The following ANKRD22 variants were observed in gnomAD, a reference collection of about 807,000 sequenced individuals.
ANKRD22 encodes ankyrin repeat domain 22.
Under a neutral mutation model 25.7 loss-of-function variants are expected in ANKRD22, and 24 were observed. The observed-to-expected ratio is 0.93, with a 90% CI of 0.68 to 1.31. The LOEUF (loss-of-function observed/expected upper bound fraction) is 1.31. ANKRD22 is among the 50% of genes most tolerant of loss of function. The pLI is 0.00. For missense variants in ANKRD22, 214 were observed against 227.1 expected (o/e 0.94, Z 0.37); for synonymous variants, 84 against 84.3 (o/e 1.00, Z 0.02).
At chr10:88,845,747 T>G (rs1844041651) in intron 1 of ANKRD22, among the ~76,000 whole-genome samples, 1 of 152,148 alleles carries the variant, frequency 6.6e-6, no homozygotes. Flanking sequence ...TGTAACAGCT[T>G]CCTTCCAAGA....
chr10:88,839,550 A>G (rs1843985291), intron 1 of ANKRD22, among the ~76,000 whole-genome samples: 1 of 152,142 alleles, frequency 6.6e-6, no homozygotes, highest in African/African-American at 2.4e-5. Flanking sequence ...AATCTCTTTC[A>G]TCTTTCCTAC....
intron 1 of ANKRD22, among the ~76,000 whole-genome samples, chr10:88,844,307 G>A (rs767151802): frequency 2.6e-5 from 4 of 152,092 alleles, no homozygotes; most frequent in Admixed American, 6.6e-5. Flanking sequence ...ATTGGGTCTC[G>A]TAGACCATGG....
At chr10:88,840,574 T>C (rs967016113) in intron 1 of ANKRD22, among the ~76,000 whole-genome samples, 2 of 152,150 alleles carry the variant, frequency 1.3e-5, no homozygotes, top group Non-Finnish European at 2.9e-5. Flanking sequence ...TGGTTCACTG[T>C]TTATTAGCCA....
intron 1 of ANKRD22, among the ~76,000 whole-genome samples, chr10:88,846,375 T>G (rs1166727530): frequency 6.6e-6 from 1 of 152,194 alleles, no homozygotes; most frequent in Non-Finnish European, 1.5e-5. Flanking sequence ...TTTACACTGA[T>G]TGATCTAAGG....
intron 4 of ANKRD22, among the ~76,000 whole-genome samples, chr10:88,825,192 A>G (rs1307971274): frequency 6.6e-6 from 1 of 152,246 alleles, no homozygotes; most frequent in South Asian, 2.1e-4. Context: ...TAGGCATCAC[A>G]AATAGAATGT....
At chr10:88,823,142 G>T (rs1192473010) in intron 5 of ANKRD22, 124 bp from the exon 6 acceptor site, 2 of 1,229,752 alleles carry the variant, frequency 1.6e-6, no homozygotes, top group Non-Finnish European at 2.4e-6. Flanking sequence ...ATAGTAATAG[G>T]ATAACTTCAT....
At chr10:88,838,888 G>A (rs1405524666) in intron 1 of ANKRD22, among the ~76,000 whole-genome samples, 3 of 152,180 alleles carry the variant, frequency 2.0e-5, no homozygotes, top group Non-Finnish European at 4.4e-5. Context: ...AAACAGACTA[G>A]TAGGCGAGGA....
chr10:88,846,662 G>A (rs1297155031), intron 1 of ANKRD22, among the ~76,000 whole-genome samples: 3 of 152,204 alleles, frequency 2.0e-5, no homozygotes, highest in Non-Finnish European at 4.4e-5. Flanking sequence ...TTTGAAAATA[G>A]TGAGAATTCA....
At chr10:88,848,943 G>A (rs755589749) in intron 1 of ANKRD22, among the ~76,000 whole-genome samples, 2 of 151,900 alleles carry the variant, frequency 1.3e-5, no homozygotes, top group Non-Finnish European at 2.9e-5. Flanking sequence ...AGTAACATCA[G>A]CTTCTCTGAA....
intron 1 of ANKRD22, among the ~76,000 whole-genome samples, chr10:88,846,350 C>T (rs75397153): frequency 9.4e-4 from 143 of 152,152 alleles, no homozygotes; most frequent in African/African-American, 2.8e-3. Flanking sequence ...ATACTGTTTA[C>T]GAAAATGTTT....
intron 1 of ANKRD22, among the ~76,000 whole-genome samples, chr10:88,845,154 A>G (rs1163292934): frequency 2.0e-5 from 3 of 152,118 alleles, no homozygotes; most frequent in African/African-American, 7.2e-5. Flanking sequence ...TAAGTTTTCA[A>G]TGTTGAATAA....
intron 1 of ANKRD22, among the ~76,000 whole-genome samples, chr10:88,840,495 T>C (rs1296142491): frequency 1.6e-4 from 24 of 152,200 alleles, no homozygotes; most frequent in Admixed American, 1.6e-3. Flanking sequence ...CCCTAAAGTA[T>C]AATGGAGCTT....
chr10:88,825,042 C>A (rs1031861783), intron 4 of ANKRD22, among the ~76,000 whole-genome samples: 1 of 150,756 alleles, frequency 6.6e-6, no homozygotes, highest in Non-Finnish European at 1.5e-5. Context: ...CACACACACA[C>A]AACTGCCTGC....
chr10:88,820,695 G>T lies in ANKRD22; in HGVS notation c.*2246C>A. ...TATTAGGTAAATAGAGGTTTTGTAT[G>T]CTATTATATATTCTACCATCTTGAA... On this transcript the variant is annotated 3_prime_UTR_variant, in exon 6 of 6. Transcript: ENST00000371930. The T allele has an allele frequency of 1.7e-6, 1 of 604,552 alleles. No homozygotes were observed. The highest frequency in any genetic ancestry group is 2.8e-6 in the Non-Finnish European group (1 of 351,462). 37.4% of individuals were successfully genotyped at this position (604,552 alleles called of 1,614,324 possible). A position where few individuals can be genotyped will look rare whatever the true frequency, so the allele number is the denominator to read the frequency against.
rs568461484 is a variant in ANKRD22, at chr10:88,825,007, T to TCA, written c.399+1030_399+1031insTG. ...TTTGCTCTCTCTCTCTCTCTCTCTC[T>TCA]CTCTCACACACACACACACACACAC... On this transcript the variant is annotated intron_variant, in intron 4 of 5. Coordinates refer to ENST00000371930, the MANE Select transcript of ANKRD22 (RefSeq NM_144590.3). Among the ~76,000 whole-genome samples the TCA allele has an allele frequency of 3.3e-3, 384 of 115,506 alleles. 1 individual carries two copies. Among genetic ancestry groups the TCA allele is most frequent in the Middle Eastern group, 4.8e-3 (1 of 208 alleles). 75.8% of individuals were successfully genotyped at this position (115,506 alleles called of 152,430 possible). A position where few individuals can be genotyped will look rare whatever the true frequency, so the allele number is the denominator to read the frequency against.
intron 1 of ANKRD22, among the ~76,000 whole-genome samples, chr10:88,847,784 A>G (rs573231147): frequency 5.3e-4 from 81 of 152,128 alleles, no homozygotes; most frequent in African/African-American, 1.6e-3. Context: ...ACCCCAAAAA[A>G]CAAAAAAAGA....
chr10:88,847,170 T>G (rs1844056643), intron 1 of ANKRD22, among the ~76,000 whole-genome samples: 1 of 152,172 alleles, frequency 6.6e-6, no homozygotes, highest in African/African-American at 2.4e-5. Flanking sequence ...TTTTTTACAT[T>G]TTTCATTAAC....
At chr10:88,837,787 A>G (rs922126074) in intron 1 of ANKRD22, among the ~76,000 whole-genome samples, 1 of 152,184 alleles carries the variant, frequency 6.6e-6, no homozygotes, top group Non-Finnish European at 1.5e-5. Context: ...TGTTCTCATG[A>G]TAGTGAATAA....
chr10:88,832,501 C>T lies in ANKRD22; in HGVS notation c.22-475G>A, dbSNP rs72474859. Among the ~76,000 whole-genome samples the T allele has an allele frequency of 0.01, 1,495 of 145,340 alleles. 48 individuals carry two copies. In the East Asian group the frequency reaches 0.14, roughly 13 times the overall value. On this transcript the variant is annotated intron_variant, in intron 1 of 5. Coordinates refer to ENST00000371930, the MANE Select transcript of ANKRD22 (RefSeq NM_144590.3). ...AAAATATCTTTATCTTTAGTAAAGA[C>T]AAAATGTCTTTATCTTTATCTTTAC...
Sources: allele counts gnomAD v4.1 joint callset (sites outside exome capture counted in the v4.1 genomes callset), GRCh38; gene constraint gnomAD v4.1.1; transcripts MANE v1.5; gene names NCBI Gene and HGNC (gene_info 2026-07-23, HGNC 2026-07-21).